Variants in TAFA1 observed in about 807,000 individuals in gnomAD.
TAFA1 encodes chemokine-like protein TAFA-1.
In TAFA1, 4 loss-of-function variants were observed where a neutral mutation model predicts 18.5. That is an observed-to-expected ratio of 0.22 (90% CI 0.11 to 0.49). The LOEUF is 0.49. TAFA1 is among the 20% of genes least tolerant of loss of function. TAFA1 has a pLI of 0.98. For missense variants in TAFA1, 147 were observed against 169.0 expected, an observed-to-expected ratio of 0.87 and a Z score of 0.72; for synonymous variants, 56 against 55.2, an observed-to-expected ratio of 1.01 and a Z score of -0.06.
In TAFA1 at chr3:68,006,618, CT is replaced by C; in HGVS notation, c.-3-3del. ...GGTAACCTTTCCTGTCGAATGTTCT[CT>C]TTAGAGAATGGCAATGGTCTCTGCG... On this transcript the variant is annotated splice_region_variant and splice_polypyrimidine_tract_variant and intron_variant, in intron 1 of 4. Transcript: ENST00000478136. The C allele has an allele frequency of 2.5e-6, 4 of 1,604,680 alleles. No individual in the cohort carries two copies. The highest frequency in any genetic ancestry group is 3.4e-6 in the Non-Finnish European group (4 of 1,171,396).
chr3:68,408,677 G>C (rs116195387), intron 2 of TAFA1, among the ~76,000 whole-genome samples: 1 of 150,782 alleles, frequency 6.6e-6, no homozygotes, highest in African/African-American at 2.4e-5. Flanking sequence ...TTTAGTAAAT[G>C]TGTGACTGCC....
intron 2 of TAFA1, among the ~76,000 whole-genome samples, chr3:68,312,522 G>A (rs1190570284): frequency 6.6e-6 from 1 of 152,120 alleles, no homozygotes; most frequent in East Asian, 1.9e-4. Flanking sequence ...CTAGCTCAGG[G>A]ACAAAATGTC....
At chr3:68,080,673 C>T (rs1025841369) in intron 2 of TAFA1, among the ~76,000 whole-genome samples, 9 of 152,208 alleles carry the variant, frequency 5.9e-5, no homozygotes, top group East Asian at 1.9e-4. Flanking sequence ...GGGTTTCTGC[C>T]GAGAGATCTG....
chr3:68,462,884 G>T (rs535060876), intron 3 of TAFA1, among the ~76,000 whole-genome samples: 86 of 152,264 alleles, frequency 5.6e-4, no homozygotes, highest in Middle Eastern at 3.4e-3. Flanking sequence ...GGTAGGAAAA[G>T]CTTCCTTTTT....
chr3:68,123,749 T>C (rs2065429342), intron 2 of TAFA1, among the ~76,000 whole-genome samples: 1 of 152,054 alleles, frequency 6.6e-6, no homozygotes, highest in African/African-American at 2.4e-5. Context: ...TGAAATTTGG[T>C]TTCAGATTGA....
chr3:68,084,916 G>A (rs970707154), intron 2 of TAFA1, among the ~76,000 whole-genome samples: 63 of 151,998 alleles, frequency 4.1e-4, no homozygotes, highest in African/African-American at 1.5e-3. Flanking sequence ...TTTTGTTGCA[G>A]CACTTTGAAA....
intron 3 of TAFA1, among the ~76,000 whole-genome samples, chr3:68,467,135 G>T (rs1461790555): frequency 6.6e-6 from 1 of 152,112 alleles, no homozygotes; most frequent in Admixed American, 6.6e-5. Flanking sequence ...TATCTCCCTT[G>T]TTCCCTGAAA....
rs568315529 is a variant in TAFA1, at chr3:68,133,368, A to G, written c.118+126624A>G. Among the ~76,000 whole-genome samples, 6 of 152,272 alleles carry G rather than the reference A, an allele frequency of 3.9e-5. No individual in the cohort carries two copies. In the East Asian group the frequency reaches 7.7e-4, roughly 20 times the overall value. Reference sequence around the variant, plus strand: ...TATATGGGCTCTTTTTTGGTTCCATATGAAATTTAAAGTAGTTTTTTCTAG... The same window carrying G: ...TATATGGGCTCTTTTTTGGTTCCATGTGAAATTTAAAGTAGTTTTTTCTAG... On this transcript the variant is annotated intron_variant, in intron 2 of 4. Coordinates refer to ENST00000478136, the MANE Select transcript of TAFA1 (RefSeq NM_213609.4).
intron 2 of TAFA1, among the ~76,000 whole-genome samples, chr3:68,055,568 G>T (rs917222925): frequency 6.6e-6 from 1 of 152,142 alleles, no homozygotes; most frequent in South Asian, 2.1e-4. Flanking sequence ...ATTAGAACGT[G>T]GGGACAGATC....
chr3:68,470,598 C>T (rs563523751), intron 3 of TAFA1, among the ~76,000 whole-genome samples: 2 of 152,316 alleles, frequency 1.3e-5, no homozygotes, highest in African/African-American at 4.8e-5. Flanking sequence ...TTAGCAAAGA[C>T]ACTAGTGGCA....
chr3:68,145,780 A>G (rs1050767997), intron 2 of TAFA1: 2 of 573,978 alleles, frequency 3.5e-6, no homozygotes, highest in Admixed American at 6.1e-5. Context: ...AATAAAAAGA[A>G]AAAAGATGCC....
intron 2 of TAFA1, among the ~76,000 whole-genome samples, chr3:68,098,447 T>A (rs1190894758): frequency 6.6e-6 from 1 of 152,156 alleles, no homozygotes; most frequent in Non-Finnish European, 1.5e-5. Flanking sequence ...CATTAACTTC[T>A]ATATCTTAGT....
In TAFA1 at chr3:68,059,928, G is replaced by A. The variant is rs115553502; in HGVS notation, c.118+53184G>A. ...TCTATTCCTGGGAGGCAGCTGGGGA[G>A]CCCCCGCAGGCTTGTTCCTGGCCTC... On this transcript the variant is annotated intron_variant, in intron 2 of 4. Transcript: ENST00000478136. Among the ~76,000 whole-genome samples, 798 of 152,186 alleles carry A rather than the reference G, an allele frequency of 5.2e-3. 9 individuals carry two copies. The highest frequency in any genetic ancestry group is 0.018 in the African/African-American group (735 of 41,516).
intron 2 of TAFA1, among the ~76,000 whole-genome samples, chr3:68,046,274 G>A (rs1705266140): frequency 6.6e-6 from 1 of 152,050 alleles, no homozygotes; most frequent in African/African-American, 2.4e-5. Flanking sequence ...TGCCTATATT[G>A]ATAAGGTTAT....
rs183030497 is a variant in TAFA1, at chr3:68,267,098, A to G, written c.119-150182A>G. 2.4e-4 allele frequency among the ~76,000 whole-genome samples: 37 copies of G among 152,248 alleles called. No homozygotes were observed. The East Asian group carries it at 3.5e-3, about 14-fold the overall frequency. ...ACAAGAGAAAGCTGAGTTTCTCCTC[A>G]CAACAAGTCAAGTTTATTCCGACTC... On this transcript the variant is annotated intron_variant, in intron 2 of 4. Transcript: ENST00000478136.
chr3:68,417,448 A>G (rs779935764), intron 3 of TAFA1, 28 bp downstream of exon 3: 2 of 1,610,942 alleles, frequency 1.2e-6, no homozygotes, highest in Admixed American at 1.7e-5. Context: ...CCTCTTGAAA[A>G]GCTCACATGG....
intron 2 of TAFA1, among the ~76,000 whole-genome samples, chr3:68,287,246 T>C (rs546405325): frequency 6.6e-6 from 1 of 152,294 alleles, no homozygotes; most frequent in South Asian, 2.1e-4. Flanking sequence ...AAGTGGAATA[T>C]AGCAGCCCAA....
At chr3:68,245,672 G>C (rs1384928216) in intron 2 of TAFA1, among the ~76,000 whole-genome samples, 1 of 152,158 alleles carries the variant, frequency 6.6e-6, no homozygotes, top group African/African-American at 2.4e-5. Context: ...CATGGATAGA[G>C]CAAAAATCAG....
intron 2 of TAFA1, among the ~76,000 whole-genome samples, chr3:68,019,030 T>C (rs960035032): frequency 1.3e-5 from 2 of 152,198 alleles, no homozygotes; most frequent in African/African-American, 4.8e-5. Flanking sequence ...AAAACTTAGG[T>C]TGTGTAACAA....
Sources: allele counts gnomAD v4.1 joint callset (sites outside exome capture counted in the v4.1 genomes callset), GRCh38; gene constraint gnomAD v4.1.1; transcripts MANE v1.5; gene names NCBI Gene and HGNC (gene_info 2026-07-23, HGNC 2026-07-21).